The following RYR2 variants were observed in gnomAD, a reference collection of about 807,000 sequenced individuals.
RYR2 encodes ryanodine receptor 2.
In RYR2, 227 loss-of-function variants were observed where a neutral mutation model predicts 601.1. The ratio of observed to expected loss-of-function variants is 0.38; its 90% CI spans 0.34 to 0.42. RYR2 has a LOEUF of 0.42. Ranked by LOEUF, RYR2 falls within the 10% of genes least tolerant of loss-of-function variation. The pLI is 1.00. For synonymous variants in RYR2, 2,223 were observed against 2,175.1 expected (o/e 1.02, Z -0.61); for missense variants, 4,646 against 6,156.5 (o/e 0.75, Z 8.21).
intron 80 of RYR2, among the ~76,000 whole-genome samples, chr1:237,745,286 T>C (rs1462338037): frequency 6.6e-6 from 1 of 152,178 alleles, no homozygotes; most frequent in Non-Finnish European, 1.5e-5. Context: ...GCTTAAATAA[T>C]AGATAATAAT....
intron 4 of RYR2, among the ~76,000 whole-genome samples, chr1:237,358,455 G>A (rs1699485667): frequency 6.6e-6 from 1 of 151,882 alleles, no homozygotes; most frequent in Non-Finnish European, 1.5e-5. Flanking sequence ...TTTGATCATA[G>A]TGTCATGCAC....
In RYR2 at chr1:237,687,575, G is replaced by C. The variant is rs1686541783; in HGVS notation, c.9067+71G>C. On this transcript the variant is annotated intron_variant, in intron 63 of 104. Coordinates refer to ENST00000366574, the MANE Select transcript of RYR2 (RefSeq NM_001035.3). ...TTCTTTGCCATTTTTGCACTGTGTT[G>C]TGTGCTGCTATGTTGCATGGATGCA... 3 of 1,146,292 alleles carry C rather than the reference G, an allele frequency of 2.6e-6. No homozygotes were observed. The East Asian group carries it at 7.3e-5, about 28-fold the overall frequency. The allele number at this position is 1,146,292 out of a possible 1,614,324, so 71.0% of individuals were successfully genotyped here.
intron 1 of RYR2, among the ~76,000 whole-genome samples, chr1:237,138,357 G>A (rs1163481749): frequency 1.3e-5 from 2 of 152,132 alleles, no homozygotes; most frequent in Non-Finnish European, 2.9e-5. Context: ...AATGCACCCT[G>A]AAGGTGTTTT....
intron 1 of RYR2, among the ~76,000 whole-genome samples, chr1:237,148,868 C>G (rs55665709): frequency 6.6e-6 from 1 of 152,170 alleles, no homozygotes; most frequent in Non-Finnish European, 1.5e-5. Flanking sequence ...TGGAATTGCC[C>G]TGCCCTTTCA....
chr1:237,413,059 C>A (rs973447758), intron 10 of RYR2, among the ~76,000 whole-genome samples: 1 of 152,000 alleles, frequency 6.6e-6, no homozygotes, highest in Non-Finnish European at 1.5e-5. Flanking sequence ...GACTGAAATT[C>A]CTATTTATTT....
At chr1:237,070,138 C>G (rs1664140298) in intron 1 of RYR2, among the ~76,000 whole-genome samples, 1 of 151,270 alleles carries the variant, frequency 6.6e-6, no homozygotes, top group Non-Finnish European at 1.5e-5. Flanking sequence ...TCAAGTGATC[C>G]TCCCACCTAG....
At chr1:237,394,944 C>G (rs1232350247) in intron 10 of RYR2, among the ~76,000 whole-genome samples, 1 of 152,078 alleles carries the variant, frequency 6.6e-6, no homozygotes, top group African/African-American at 2.4e-5. Flanking sequence ...TTTTACGTGG[C>G]TGGAGGAGGA....
At chr1:237,721,696 T>G (rs190117249) in intron 73 of RYR2, among the ~76,000 whole-genome samples, 1 of 152,252 alleles carries the variant, frequency 6.6e-6, no homozygotes, top group African/African-American at 2.4e-5. Flanking sequence ...TTTTTTGTAT[T>G]TTTAATCGAG....
intron 6 of RYR2, 56 bp downstream of exon 6, chr1:237,369,664 C>G: frequency 7.2e-7 from 1 of 1,379,624 alleles, no homozygotes; most frequent in Admixed American, 2.0e-5. Flanking sequence ...TTTGGGGGTA[C>G]ATGGTCTGCA....
intron 54 of RYR2, among the ~76,000 whole-genome samples, chr1:237,659,145 C>T (rs1218023148): frequency 6.6e-6 from 1 of 152,204 alleles, no homozygotes; most frequent in Non-Finnish European, 1.5e-5. Context: ...GATCATCATG[C>T]TGGAGATGTC....
intron 10 of RYR2, among the ~76,000 whole-genome samples, chr1:237,401,788 T>C (rs1160243174): frequency 1.3e-5 from 2 of 152,162 alleles, no homozygotes; most frequent in Non-Finnish European, 2.9e-5. Context: ...ACCCCTTTAA[T>C]CGTGTGGTTT....
intron 19 of RYR2, among the ~76,000 whole-genome samples, chr1:237,494,774 T>A (rs568172156): frequency 6.6e-6 from 1 of 151,782 alleles, no homozygotes; most frequent in South Asian, 2.1e-4. Flanking sequence ...AAATGTGGGG[T>A]TTGTTGTGTA....
At chr1:237,723,830 T>C (rs920494469) in intron 74 of RYR2, among the ~76,000 whole-genome samples, 2 of 152,084 alleles carry the variant, frequency 1.3e-5, no homozygotes, top group Admixed American at 6.6e-5. Context: ...TTCAGTTGTG[T>C]CCTACTTTAC....
rs189357595 is a variant in RYR2 at position 237,473,649 on chromosome 1, G to T, written c.1708+4462G>T. ...ACCCTGACCCAAACTAGGAAGGAGC[G>T]GGGCAGTCAACAGCACTTGAGTTCC... On this transcript the variant is annotated intron_variant, in intron 17 of 104. Coordinates refer to ENST00000366574, the MANE Select transcript of RYR2 (RefSeq NM_001035.3). Among the ~76,000 whole-genome samples, 267 of 151,958 alleles carry T rather than the reference G, an allele frequency of 1.8e-3. 2 individuals are homozygous for T. The highest frequency in any genetic ancestry group is 3.4e-3 in the Middle Eastern group (1 of 294).
At chr1:237,735,171 C>T (rs1691033939) in intron 79 of RYR2, among the ~76,000 whole-genome samples, 1 of 152,084 alleles carries the variant, frequency 6.6e-6, no homozygotes, top group South Asian at 2.1e-4. Flanking sequence ...TCATGTATAT[C>T]ACATAAGCAG....
At chr1:237,594,182 A>G (rs945719108) in intron 33 of RYR2, among the ~76,000 whole-genome samples, 2 of 152,188 alleles carry the variant, frequency 1.3e-5, no homozygotes, top group Admixed American at 6.5e-5. Flanking sequence ...AAAACAAACC[A>G]AACTCAAACC....
In RYR2 at chr1:237,800,377, GAT is replaced by G. The variant is rs67365941; in HGVS notation, c.14091-1477_14091-1476del. On this transcript the variant is annotated intron_variant, in intron 97 of 104. Transcript: ENST00000366574. The stretch of plus-strand genomic sequence containing the variant: ...TGGCACTTTTTTTAAAGGCTCCTGT[GAT>G]AATAAAATTAATTATAGTTCAAAGA... 5.8e-3 allele frequency among the ~76,000 whole-genome samples: 883 copies of G among 151,554 alleles called. 8 individuals carry two copies. Among genetic ancestry groups the G allele is most frequent in the African/African-American group, 0.019 (804 of 41,320 alleles).
At chr1:237,382,896 T>G (rs1360014539) in intron 8 of RYR2, among the ~76,000 whole-genome samples, 1 of 148,914 alleles carries the variant, frequency 6.7e-6, no homozygotes, top group African/African-American at 2.5e-5. Context: ...TCTATTTCTC[T>G]GCCCCTCATT....
At chr1:237,477,092 C>T (rs530808044) in intron 17 of RYR2, among the ~76,000 whole-genome samples, 1 of 152,134 alleles carries the variant, frequency 6.6e-6, no homozygotes, top group South Asian at 2.1e-4. Flanking sequence ...AGAAAAACTG[C>T]TTATTAGAAA....
Sources: allele counts gnomAD v4.1 joint callset (sites outside exome capture counted in the v4.1 genomes callset), GRCh38; gene constraint gnomAD v4.1.1; transcripts MANE v1.5; gene names NCBI Gene and HGNC (gene_info 2026-07-23, HGNC 2026-07-21).